Variants in PTPRM observed in about 807,000 individuals in gnomAD.
PTPRM encodes the protein protein tyrosine phosphatase receptor type M, also known as receptor-type tyrosine-protein phosphatase mu.
Under a neutral mutation model 186.7 loss-of-function variants are expected in PTPRM, and 47 were observed. The ratio of observed to expected loss-of-function variants is 0.25; its 90% CI spans 0.20 to 0.32. The LOEUF is 0.32. PTPRM is among the 10% of genes least tolerant of loss of function. The pLI is 1.00. For missense variants in PTPRM, 1,494 were observed against 1,865.0 expected, an observed-to-expected ratio of 0.80 and a Z score of 3.66; for synonymous variants, 668 against 674.9, an observed-to-expected ratio of 0.99 and a Z score of 0.16.
intron 14 of PTPRM, among the ~76,000 whole-genome samples, chr18:8,240,831 A>AGAGG (rs1568585346): frequency 9.1e-6 from 1 of 110,236 alleles, no homozygotes; most frequent in East Asian, 2.4e-4. Flanking sequence ...AGAGAGAAAG[A>AGAGG]AAGAAAGAAA....
chr18:8,379,120 C>T (rs371717157), intron 27 of PTPRM, 47 bp from the exon 28 acceptor site: 62 of 1,501,790 alleles, frequency 4.1e-5, no homozygotes, highest in Middle Eastern at 1.8e-4. Context: ...GAGAGGAGTC[C>T]GCTGCCAAGG....
intron 1 of PTPRM, among the ~76,000 whole-genome samples, chr18:7,672,311 C>T (rs117550027): frequency 3.2e-4 from 48 of 151,772 alleles, no homozygotes; most frequent in Non-Finnish European, 5.4e-4. Context: ...TTTTTTTTCA[C>T]GGTTTAATCA....
At chr18:7,763,251 GT>G (rs1451023146) in intron 1 of PTPRM, among the ~76,000 whole-genome samples, 1 of 152,212 alleles carries the variant, frequency 6.6e-6, no homozygotes, top group Non-Finnish European at 1.5e-5. Flanking sequence ...TTGGACCCCA[GT>G]GAAATGTCAC....
At chr18:7,874,477 TTCA>T (rs1323338217) in intron 2 of PTPRM, among the ~76,000 whole-genome samples, 1 of 152,078 alleles carries the variant, frequency 6.6e-6, no homozygotes, top group Non-Finnish European at 1.5e-5. Flanking sequence ...TGATCGATCA[TTCA>T]TCATCAAGTG....
chr18:8,238,979 T>TC (rs201866966), intron 14 of PTPRM, among the ~76,000 whole-genome samples: 26 of 48,498 alleles, frequency 5.4e-4, no homozygotes, highest in African/African-American at 3.5e-3. Flanking sequence ...ATAGCTTCTC[T>TC]TTTTTTTTTT....
intron 2 of PTPRM, among the ~76,000 whole-genome samples, chr18:7,816,280 A>G (rs527429208): frequency 6.6e-6 from 1 of 152,360 alleles, no homozygotes; most frequent in African/African-American, 2.4e-5. Context: ...CAGAGTTCAT[A>G]TGGCATAGAC....
At chr18:8,334,956 A>G (rs1277845000) in intron 22 of PTPRM, among the ~76,000 whole-genome samples, 1 of 152,128 alleles carries the variant, frequency 6.6e-6, no homozygotes, top group African/African-American at 2.4e-5. Context: ...CACCTGATCA[A>G]ACCTCCTTGC....
At chr18:7,582,355 C>T (rs2036867426) in intron 1 of PTPRM, among the ~76,000 whole-genome samples, 1 of 152,272 alleles carries the variant, frequency 6.6e-6, no homozygotes, top group East Asian at 1.9e-4. Flanking sequence ...TCAGCTGGGA[C>T]AGTTGGACTC....
intron 7 of PTPRM, among the ~76,000 whole-genome samples, chr18:7,960,982 C>A (rs1205531906): frequency 6.6e-6 from 1 of 152,086 alleles, no homozygotes; most frequent in East Asian, 1.9e-4. Flanking sequence ...TTCAGCCAAT[C>A]TCCAGAACCT....
rs570192470 is a variant in PTPRM, at chr18:7,643,946, T to C, written c.73+76055T>C. ...GATGAAATCAAGTTTTAAAAAAAGG[T>C]TTAAAGGGGAGAAAACTTGTAATAA... On this transcript the variant is annotated intron_variant, in intron 1 of 32. Coordinates refer to ENST00000580170, the MANE Select transcript of PTPRM (RefSeq NM_001105244.2). Among the ~76,000 whole-genome samples the C allele has an allele frequency of 5.9e-4, 90 of 152,164 alleles. 1 individual carries two copies. The highest frequency in any genetic ancestry group is 1.8e-3 in the African/African-American group (73 of 41,540).
intron 29 of PTPRM, among the ~76,000 whole-genome samples, chr18:8,383,166 C>T (rs990461416): frequency 2.6e-5 from 4 of 151,520 alleles, no homozygotes; most frequent in Non-Finnish European, 5.9e-5. Flanking sequence ...GGCGTGGTGG[C>T]GCATGCCTGT....
intron 2 of PTPRM, among the ~76,000 whole-genome samples, chr18:7,783,747 T>G (rs1006425195): frequency 3.9e-5 from 4 of 101,936 alleles, no homozygotes; most frequent in African/African-American, 1.6e-4. Flanking sequence ...AATTTTTAAT[T>G]TTGTGTGTGT....
intron 31 of PTPRM, among the ~76,000 whole-genome samples, chr18:8,387,958 A>C (rs889508988): frequency 3.5e-5 from 5 of 143,832 alleles, no homozygotes; most frequent in African/African-American, 1.3e-4. Context: ...AAAAAAAAAA[A>C]GCCCACACCT....
chr18:8,029,608 C>G (rs1600154732), intron 7 of PTPRM, among the ~76,000 whole-genome samples: 1 of 152,228 alleles, frequency 6.6e-6, no homozygotes, highest in Admixed American at 6.5e-5. Flanking sequence ...TCTGTGTACT[C>G]TTTTGTATCT....
chr18:7,600,449 C>A (rs765672384), intron 1 of PTPRM, among the ~76,000 whole-genome samples: 1 of 152,240 alleles, frequency 6.6e-6, no homozygotes, highest in Non-Finnish European at 1.5e-5. Context: ...CCCACACCAA[C>A]CCACAAGTGT....
In PTPRM at chr18:8,279,315, C is replaced by G. The variant is rs138485909; in HGVS notation, c.2755-17053C>G. Among the ~76,000 whole-genome samples the G allele has an allele frequency of 2.5e-3, 375 of 152,312 alleles. 2 individuals are homozygous for G. The highest frequency in any genetic ancestry group is 8.4e-3 in the African/African-American group (350 of 41,564). Reference sequence around the variant, plus strand: ...CATCTGTGCAAGACTTCATAGCTCTCAAGCCTGATGTAGCAGGGCTGGAGA... The same window carrying G: ...CATCTGTGCAAGACTTCATAGCTCTGAAGCCTGATGTAGCAGGGCTGGAGA... On this transcript the variant is annotated intron_variant, in intron 19 of 32. Coordinates refer to ENST00000580170, the MANE Select transcript of PTPRM (RefSeq NM_001105244.2).
At chr18:8,102,710 A>C (rs1418845575) in intron 11 of PTPRM, among the ~76,000 whole-genome samples, 1 of 152,134 alleles carries the variant, frequency 6.6e-6, no homozygotes, top group African/African-American at 2.4e-5. Flanking sequence ...AACTTCTTCC[A>C]AGCTCCTGTT....
chr18:7,994,726 AATT>A (rs1302431432), intron 7 of PTPRM, among the ~76,000 whole-genome samples: 1 of 152,174 alleles, frequency 6.6e-6, no homozygotes, highest in Non-Finnish European at 1.5e-5. Context: ...CCTGAATGAT[AATT>A]GAGTTAATGA....
intron 2 of PTPRM, among the ~76,000 whole-genome samples, chr18:7,805,878 A>G (rs1271710411): frequency 1.3e-5 from 2 of 152,214 alleles, no homozygotes; most frequent in Non-Finnish European, 2.9e-5. Flanking sequence ...CTAGAAAAAC[A>G]TACCATATTT....
Sources: allele counts gnomAD v4.1 joint callset (sites outside exome capture counted in the v4.1 genomes callset), GRCh38; gene constraint gnomAD v4.1.1; transcripts MANE v1.5; gene names NCBI Gene and HGNC (gene_info 2026-07-23, HGNC 2026-07-21).